Variants in NCKIPSD observed in about 807,000 individuals in gnomAD.
NCKIPSD encodes the protein NCK interacting protein with SH3 domain, also known as NCK-interacting protein with SH3 domain.
In NCKIPSD, 48 loss-of-function variants were observed where a neutral mutation model predicts 73.4. The ratio of observed to expected loss-of-function variants is 0.65; its 90% CI spans 0.52 to 0.83. The LOEUF is 0.83. Ranked by LOEUF, NCKIPSD falls within the 40% of genes least tolerant of loss-of-function variation. The pLI is 0.00. For missense variants in NCKIPSD, 884 were observed against 970.2 expected (o/e 0.91, Z 1.18); for synonymous variants, 422 against 403.6 (o/e 1.05, Z -0.54).
At chr3:48,679,326 T>C (rs781292308) in intron 9 of NCKIPSD, 51 bp downstream of exon 9, 9 of 1,607,894 alleles carry the variant, frequency 5.6e-6, no homozygotes, top group Non-Finnish European at 6.8e-6. Context: ...CCTCGGGCAA[T>C]GGGCCCTGGC....
At position 48,685,896 on chromosome 3, in the gene NCKIPSD, C is replaced by G. The variant is rs1269683399; in HGVS notation, c.-89G>C. On this transcript the variant is annotated 5_prime_UTR_variant, in exon 1 of 13. Coordinates refer to ENST00000294129, the MANE Select transcript of NCKIPSD (RefSeq NM_016453.4). ...GAGCGCCGAGCCGCGCCGCGGTTGT[C>G]CCGCCCCGTGACACACTACGCAGGC... 7 of 1,261,948 alleles carry G rather than the reference C, an allele frequency of 5.5e-6. No homozygotes were observed. The highest frequency in any genetic ancestry group is 3.2e-5 in the East Asian group (1 of 31,462). 78.2% of individuals were successfully genotyped at this position (1,261,948 alleles called of 1,614,324 possible).
chr3:48,685,692 C>G lies in NCKIPSD; in HGVS notation c.116G>C (p.Arg39Pro). The G allele has an allele frequency of 6.6e-7, 1 of 1,526,072 alleles. No individual in the cohort carries two copies. The highest frequency in any genetic ancestry group is 8.8e-7 in the Non-Finnish European group (1 of 1,142,704). 94.5% of individuals were successfully genotyped at this position (1,526,072 alleles called of 1,614,324 possible). The change falls in exon 1 of 13, where the codon CGG becomes CCG. Residue 39 changes from arginine to proline, a missense_variant. Coordinates refer to ENST00000294129, the MANE Select transcript of NCKIPSD (RefSeq NM_016453.4). ...RSSAHWWLAA[R>P]ARSGETGYVP... Reference sequence around the variant, plus strand: ...GTAGCCCGTCTCACCACTGCGCGCCCGCGCGGCCAGCCACCAGTGCGCGCT... The same window carrying G: ...GTAGCCCGTCTCACCACTGCGCGCCGGCGCGGCCAGCCACCAGTGCGCGCT...
In NCKIPSD at chr3:48,683,181, T is replaced by G. The variant is rs922275569; in HGVS notation, c.172-169A>C. On this transcript the variant is annotated intron_variant, in intron 1 of 12. Coordinates refer to ENST00000294129, the MANE Select transcript of NCKIPSD (RefSeq NM_016453.4). ...AATATGGAATGGGGTTCTCAAACTGTATCACTCAGGGAGCTGAGGCACAGG... is the reference window on the plus strand; with the variant it reads ...AATATGGAATGGGGTTCTCAAACTGGATCACTCAGGGAGCTGAGGCACAGG... 2.3e-6 allele frequency: 3 copies of G among 1,276,770 alleles called. No individual in the cohort carries two copies. The African/African-American group carries it at 4.4e-5, about 19-fold the overall frequency. The allele number at this position is 1,276,770 out of a possible 1,614,324, so 79.1% of individuals were successfully genotyped here. A position where few individuals can be genotyped will look rare whatever the true frequency, so the allele number is the denominator to read the frequency against.
At position 48,681,791 on chromosome 3, in the gene NCKIPSD, T is replaced by A; in HGVS notation, c.599-11A>T. ...TGGTGTTGTGGCCACCTGCGAGCAG[T>A]GAGTAGAAGCTGGGCCAGGGCAGCC... is the stretch of plus-strand genomic sequence containing the variant. On this transcript the variant is annotated splice_polypyrimidine_tract_variant and intron_variant, in intron 4 of 12. Coordinates refer to ENST00000294129, the MANE Select transcript of NCKIPSD (RefSeq NM_016453.4). 1 of 1,482,588 alleles carries A rather than the reference T, an allele frequency of 6.7e-7. No individual in the cohort carries two copies. The highest frequency in any genetic ancestry group is 8.9e-7 in the Non-Finnish European group (1 of 1,118,292). 91.8% of individuals were successfully genotyped at this position (1,482,588 alleles called of 1,614,324 possible).
At position 48,681,791 on chromosome 3, in the gene NCKIPSD, T is replaced by C. The variant is rs752188830; in HGVS notation, c.599-11A>G. ...TGGTGTTGTGGCCACCTGCGAGCAG[T>C]GAGTAGAAGCTGGGCCAGGGCAGCC... On this transcript the variant is annotated splice_polypyrimidine_tract_variant and intron_variant, in intron 4 of 12. Transcript: ENST00000294129. The C allele has an allele frequency of 9.4e-6, 14 of 1,482,470 alleles. No individual in the cohort carries two copies. The East Asian group carries it at 2.9e-4, about 31-fold the overall frequency. 91.8% of individuals were successfully genotyped at this position (1,482,470 alleles called of 1,614,324 possible).
chr3:48,678,851 A>G (rs748875003), intron 11 of NCKIPSD, 26 bp downstream of exon 11: 3 of 1,613,574 alleles, frequency 1.9e-6, no homozygotes, highest in Admixed American at 1.7e-5. Flanking sequence ...TGGAAGTGGT[A>G]CCCGCGCAGA....
At chr3:48,685,588 G>T (rs762868258) in intron 1 of NCKIPSD, 49 bp downstream of exon 1, 15 of 1,484,614 alleles carry the variant, frequency 1.0e-5, no homozygotes, top group Non-Finnish European at 1.2e-5. Context: ...GGCTGTGAAG[G>T]GGTCCTGCCC....
At chr3:48,678,801 G>A (rs1224418472) in intron 11 of NCKIPSD, 65 bp from the exon 12 acceptor site, 17 of 1,612,634 alleles carry the variant, frequency 1.1e-5, no homozygotes, top group Non-Finnish European at 1.4e-5. Flanking sequence ...ACCCCAGGGG[G>A]TTACGGGAGT....
chr3:48,677,073 G>A (rs1045162182), intron 12 of NCKIPSD, among the ~76,000 whole-genome samples: 1 of 151,056 alleles, frequency 6.6e-6, no homozygotes. Flanking sequence ...CACCGCGCCT[G>A]GCCAACATCC....
intron 6 of NCKIPSD, 38 bp downstream of exon 6, chr3:48,680,021 T>C (rs1197500246): frequency 6.2e-7 from 1 of 1,603,108 alleles, no homozygotes; most frequent in Non-Finnish European, 8.5e-7. Context: ...GGGCCACTGT[T>C]CCCCATGTGG....
In NCKIPSD at chr3:48,679,387, A is replaced by G; in HGVS notation, c.1560T>C (p.Tyr520=). 2 of 1,614,168 alleles carry G rather than the reference A, an allele frequency of 1.2e-6. No homozygotes were observed. The highest frequency in any genetic ancestry group is 1.7e-6 in the Non-Finnish European group (2 of 1,180,016). Residue 520 remains tyrosine, a synonymous_variant, in exon 9 of 13, where the codon TAT becomes TAC. Coordinates refer to ENST00000294129, the MANE Select transcript of NCKIPSD (RefSeq NM_016453.4). ...MVFSMGEAVP[Y]AHYEHLGTPF... ...TTACTGCATTCTTACCATAGTGTGC[A>G]TAGGGCACTGCCTCTCCCATGGAGA...
chr3:48,674,337 T>A lies in NCKIPSD; in HGVS notation c.*207A>T. 1 of 1,420,560 alleles carries A rather than the reference T, an allele frequency of 7.0e-7. No homozygotes were observed. The highest frequency in any genetic ancestry group is 1.5e-5 in the South Asian group (1 of 66,334). The allele number at this position is 1,420,560 out of a possible 1,614,324, so 88.0% of individuals were successfully genotyped here. On this transcript the variant is annotated 3_prime_UTR_variant, in exon 13 of 13. Transcript: ENST00000294129. ...TATAGAGGGGCTTTAGCTTGCATAT[T>A]CCCCCTGCCCCAGAACAGCTCCCAG...
rs750563707 is a variant in NCKIPSD, at chr3:48,679,703, G to A, written c.1361C>T (p.Ala454Val). The change falls in exon 8 of 13, where the codon GCA (alanine) becomes GTA (valine). Residue 454 changes from alanine to valine, a missense_variant. Transcript: ENST00000294129. ...LVAYYQMEHR[A>V]SLRLLLLKCF... Reference sequence around the variant, plus strand: ...CTTGAGGAGCAGCAGCCGCAGTGATGCTCGGTGTTCCTGGCAGGGAACCCT... The same window carrying A: ...CTTGAGGAGCAGCAGCCGCAGTGATACTCGGTGTTCCTGGCAGGGAACCCT... 4 of 1,614,196 alleles carry A rather than the reference G, an allele frequency of 2.5e-6. No homozygotes were observed. In the East Asian group the frequency reaches 6.7e-5, roughly 27 times the overall value.
chr3:48,677,392 A>AAAC lies in NCKIPSD; in HGVS notation c.1965+1169_1965+1171dup, dbSNP rs544851764. ...AACAGTGGGAGACAAACAAACAAAC[A>AAAC]AACAACAACAACAAAAAACCCCCAA... On this transcript the variant is annotated intron_variant, in intron 12 of 12. Transcript: ENST00000294129. 3.0e-3 allele frequency among the ~76,000 whole-genome samples: 459 copies of AAAC among 151,272 alleles called. 2 individuals carry two copies. The highest frequency in any genetic ancestry group is 5.4e-3 in the Non-Finnish European group (368 of 67,820).
At chr3:48,681,168 C>T (rs1159479382) in intron 5 of NCKIPSD, 119 bp downstream of exon 5, 1 of 1,428,976 alleles carries the variant, frequency 7.0e-7, no homozygotes, top group Admixed American at 2.3e-5. Flanking sequence ...CAGTGCCCAG[C>T]ACAGTAAGAG....
Position 48,679,893 on chromosome 3 carries a change from G to A in NCKIPSD, c.1264-6C>T, listed in dbSNP as rs202087323. 1.4e-4 allele frequency: 229 copies of A among 1,614,172 alleles called. 1 individual carries two copies. In the East Asian group the frequency reaches 3.7e-3, roughly 26 times the overall value. ...ACTTCAGGGTCTGCATCAGTCTACA[G>A]AAATGAGGAAGTGAGAGCATCAGCC... On this transcript the variant is annotated splice_polypyrimidine_tract_variant and splice_region_variant and intron_variant, in intron 6 of 12. Transcript: ENST00000294129.
chr3:48,684,029 G>GAA (rs1559496730), intron 1 of NCKIPSD, among the ~76,000 whole-genome samples: 4 of 150,192 alleles, frequency 2.7e-5, no homozygotes, highest in African/African-American at 7.5e-5. Flanking sequence ...CAGAGAGAGA[G>GAA]AGAAAGAAAG....
intron 4 of NCKIPSD, 109 bp downstream of exon 4, chr3:48,681,936 G>A: frequency 6.8e-7 from 1 of 1,478,594 alleles, no homozygotes; most frequent in South Asian, 1.2e-5. Context: ...CAAAATGGGA[G>A]TCCTGTCCTC....
Position 48,680,199 on chromosome 3 carries a change from C to A in NCKIPSD, c.1123G>T (p.Val375Phe). 1 of 1,613,362 alleles carries A rather than the reference C, an allele frequency of 6.2e-7. No individual in the cohort carries two copies. Among genetic ancestry groups the A allele is most frequent in the South Asian group, 1.1e-5 (1 of 90,960 alleles). The change falls in exon 6 of 13, where the codon GTC becomes TTC. Residue 375 changes from valine (V) to phenylalanine (F), a missense_variant. Transcript: ENST00000294129. Reference protein sequence around the residue: ...DLSMALPSGQVCHDQQRLEVI... With the variant: ...DLSMALPSGQFCHDQQRLEVI... ...TCCAGCCTCTGCTGGTCGTGGCAGA[C>A]CTGCCCTGAGGGCAGGGCCATGCTG...
Sources: allele counts gnomAD v4.1 joint callset (sites outside exome capture counted in the v4.1 genomes callset), GRCh38; gene constraint gnomAD v4.1.1; transcripts MANE v1.5; gene names NCBI Gene and HGNC (gene_info 2026-07-23, HGNC 2026-07-21).